Variants in CADM2 observed in about 807,000 individuals in gnomAD.
CADM2 encodes immunoglobulin superfamily member 4D.
A neutral mutation model predicts 49.8 loss-of-function variants in CADM2; 12 were observed. The ratio of observed to expected loss-of-function variants is 0.24; its 90% CI spans 0.15 to 0.39. The LOEUF is 0.39. CADM2 is among the 10% of genes least tolerant of loss of function. The pLI, the probability that CADM2 is intolerant of heterozygous loss-of-function variation, is 1.00. For missense variants in CADM2, 378 were observed against 492.3 expected (o/e 0.77, Z 2.20); for synonymous variants, 214 against 175.4 (o/e 1.22, Z -1.74).
intron 1 of CADM2, among the ~76,000 whole-genome samples, chr3:85,665,311 C>G (rs546753684): frequency 6.6e-6 from 1 of 151,632 alleles, no homozygotes; most frequent in East Asian, 1.9e-4. Context: ...AATACATCTC[C>G]AACTTTATTA....
intron 1 of CADM2, among the ~76,000 whole-genome samples, chr3:85,263,653 A>G (rs2043061325): frequency 6.6e-6 from 1 of 152,140 alleles, no homozygotes; most frequent in Non-Finnish European, 1.5e-5. Flanking sequence ...ACTGTTGTCT[A>G]AAACAATACT....
At chr3:85,639,837 G>GAAAT (rs1162912200) in intron 1 of CADM2, among the ~76,000 whole-genome samples, 1 of 151,926 alleles carries the variant, frequency 6.6e-6, no homozygotes, top group Non-Finnish European at 1.5e-5. Context: ...AATAGGACAT[G>GAAAT]AAATAAATAA....
intron 7 of CADM2, among the ~76,000 whole-genome samples, chr3:85,954,562 T>TCTCCTCTTCTCCTTTTTTCTTC (rs1181381526): frequency 1.3e-5 from 2 of 151,148 alleles, no homozygotes; most frequent in East Asian, 3.9e-4. Context: ...TTCTAATATT[T>TCTCCTCTTCTCCTTTTTTCTTC]CTCCTCTTCT....
intron 1 of CADM2, among the ~76,000 whole-genome samples, chr3:85,704,398 A>G (rs1264941086): frequency 6.6e-6 from 1 of 152,140 alleles, no homozygotes; most frequent in Admixed American, 6.5e-5. Flanking sequence ...AACAGCAAAC[A>G]TTTGTTTCTC....
chr3:85,940,331 C>T lies in CADM2; in HGVS notation c.791+4474C>T, dbSNP rs145029724. On this transcript the variant is annotated intron_variant, in intron 7 of 9. Transcript: ENST00000383699. ...TCCAGACTGGGCAACAAGAGCAAAA[C>T]TCCATCCAAAAAAAATTACAGCAAA... Among the ~76,000 whole-genome samples, 821 of 151,944 alleles carry T rather than the reference C, an allele frequency of 5.4e-3. 3 individuals are homozygous for T. The highest frequency in any genetic ancestry group is 0.014 in the Middle Eastern group (4 of 294).
At chr3:85,869,473 G>A (rs944777879) in intron 3 of CADM2, among the ~76,000 whole-genome samples, 3 of 151,842 alleles carry the variant, frequency 2.0e-5, no homozygotes, top group African/African-American at 7.3e-5. Flanking sequence ...TTAGTTCTTA[G>A]CCCAATCCCT....
At chr3:85,550,770 C>G (rs6783138) in intron 1 of CADM2, among the ~76,000 whole-genome samples, 77,678 of 151,656 alleles carry the variant, frequency 0.51, 22,939 homozygotes, top group East Asian at 0.85. Context: ...TTTTCTTACT[C>G]CCCTACCTTC....
At chr3:85,571,248 G>T (rs372309234) in intron 1 of CADM2, among the ~76,000 whole-genome samples, 1 of 152,234 alleles carries the variant, frequency 6.6e-6, no homozygotes, top group African/African-American at 2.4e-5. Context: ...TTATCCATAT[G>T]AATGTACTTT....
chr3:85,127,528 G>A (rs1213271583), intron 1 of CADM2, among the ~76,000 whole-genome samples: 1 of 152,126 alleles, frequency 6.6e-6, no homozygotes, highest in Non-Finnish European at 1.5e-5. Flanking sequence ...GGGGGCTTCT[G>A]GGTCAGATTA....
At chr3:85,374,990 G>GA (rs1290424096) in intron 1 of CADM2, among the ~76,000 whole-genome samples, 1 of 151,724 alleles carries the variant, frequency 6.6e-6, no homozygotes, top group Non-Finnish European at 1.5e-5. Context: ...AGGAAAAAAA[G>GA]AAAAAAGAAA....
At chr3:85,763,312 A>C (rs925646866) in intron 2 of CADM2, among the ~76,000 whole-genome samples, 8 of 152,186 alleles carry the variant, frequency 5.3e-5, no homozygotes, top group Admixed American at 3.3e-4. Flanking sequence ...CTATCAACTA[A>C]GATTGTGTTG....
At chr3:85,098,878 CTG>C (rs1337375885) in intron 1 of CADM2, among the ~76,000 whole-genome samples, 1 of 152,158 alleles carries the variant, frequency 6.6e-6, no homozygotes. Context: ...CATGGATCAA[CTG>C]TAATTTTGAA....
intron 1 of CADM2, among the ~76,000 whole-genome samples, chr3:85,642,905 A>G (rs964038951): frequency 4.6e-5 from 7 of 152,156 alleles, no homozygotes; most frequent in Non-Finnish European, 8.8e-5. Context: ...AAACCAACTC[A>G]TCTGCCTCAC....
At chr3:85,867,664 C>T (rs189891928) in intron 3 of CADM2, among the ~76,000 whole-genome samples, 1 of 458 alleles carries the variant, frequency 2.2e-3, no homozygotes, top group Non-Finnish European at 4.3e-3. Context: ...ATCATAAGAA[C>T]TTAAGCATTT....
chr3:86,017,836 C>CT lies in CADM2; in HGVS notation c.971-47759dup, dbSNP rs35715091. On this transcript the variant is annotated intron_variant, in intron 8 of 9. Coordinates refer to ENST00000383699, the MANE Select transcript of CADM2 (RefSeq NM_001167675.2). ...TATGTGTACCCTTAAAAACTTTTTT[C>CT]TTTTTTTTTTATAAAGTCTTTTATT... Among the ~76,000 whole-genome samples, 59 of 145,898 alleles carry CT rather than the reference C, an allele frequency of 4.0e-4. No homozygotes were observed. The East Asian group carries it at 5.2e-3, about 13-fold the overall frequency.
chr3:85,361,870 C>G (rs2032385144), intron 1 of CADM2, among the ~76,000 whole-genome samples: 1 of 152,184 alleles, frequency 6.6e-6, no homozygotes, highest in South Asian at 2.1e-4. Flanking sequence ...TTGTGTTAGT[C>G]TGTGGATAGA....
intron 1 of CADM2, among the ~76,000 whole-genome samples, chr3:85,080,720 G>T (rs1462853816): frequency 6.6e-6 from 1 of 151,654 alleles, no homozygotes; most frequent in African/African-American, 2.4e-5. Context: ...CCTCTTATTT[G>T]TTCACTTAAA....
At chr3:85,807,305 C>G (rs1009774882) in intron 3 of CADM2, among the ~76,000 whole-genome samples, 6 of 151,926 alleles carry the variant, frequency 3.9e-5, no homozygotes, top group African/African-American at 1.5e-4. Context: ...TTGAGACCAG[C>G]CTGGCCAACG....
intron 1 of CADM2, among the ~76,000 whole-genome samples, chr3:85,270,023 T>A (rs1347694045): frequency 1.3e-5 from 2 of 151,354 alleles, no homozygotes; most frequent in African/African-American, 2.4e-5. Flanking sequence ...ATCATCTTCA[T>A]CTATAAATAG....
Sources: allele counts gnomAD v4.1 joint callset (sites outside exome capture counted in the v4.1 genomes callset), GRCh38; gene constraint gnomAD v4.1.1; transcripts MANE v1.5; gene names NCBI Gene and HGNC (gene_info 2026-07-23, HGNC 2026-07-21).